The following NCOR2 variants were observed in gnomAD, a reference collection of about 807,000 sequenced individuals.
NCOR2 encodes the protein CTG repeat protein 26.
In NCOR2, 81 loss-of-function variants were observed where a neutral mutation model predicts 262.9. The observed-to-expected ratio is 0.31, with a 90% CI of 0.26 to 0.37. The LOEUF is 0.37. Ranked by LOEUF, NCOR2 falls within the 10% of genes least tolerant of loss-of-function variation. The pLI is 1.00. For synonymous variants in NCOR2, 1,659 were observed against 1,559.3 expected, an observed-to-expected ratio of 1.06 and a Z score of -1.51; for missense variants, 3,385 against 3,621.4, an observed-to-expected ratio of 0.93 and a Z score of 1.68.
intron 4 of NCOR2, 84 bp from the exon 7 acceptor site, chr12:124,466,370 C>T: frequency 7.7e-7 from 1 of 1,293,408 alleles, no homozygotes; most frequent in Non-Finnish European, 1.1e-6. Flanking sequence ...GGGAGGCCCC[C>T]TTGCAGCCCG....
intron 29 of NCOR2, 57 bp downstream of exon 31, chr12:124,348,117 A>T: frequency 6.2e-7 from 1 of 1,600,770 alleles, no homozygotes; most frequent in Non-Finnish European, 8.5e-7. Context: ...GGGGTCAGCC[A>T]TCCCCCCACC....
intron 41 of NCOR2, among the ~76,000 whole-genome samples, chr12:124,333,844 G>A (rs1206549802): frequency 7.3e-6 from 1 of 136,116 alleles, no homozygotes; most frequent in African/African-American, 2.8e-5. Context: ...GTGCGCCTGT[G>A]TGCGGGTGTG....
At position 124,450,821 on chromosome 12, in the gene NCOR2, C is replaced by G. The variant is rs2045477323; in HGVS notation, c.763-954G>C. On this transcript the variant is annotated intron_variant, in intron 6 of 46. Coordinates refer to ENST00000405201, the Ensembl canonical transcript of NCOR2. ...GTTCTGATACTTTCTAGCTGGGTCT[C>G]CCTGGGAAGTTACTTATTCCATCTG... Among the ~76,000 whole-genome samples the G allele has an allele frequency of 2.0e-5, 3 of 152,352 alleles. No homozygotes were observed. The South Asian group carries it at 6.2e-4, about 32-fold the overall frequency.
At chr12:124,433,724 G>C (rs1460157966) in intron 8 of NCOR2, among the ~76,000 whole-genome samples, 1 of 152,104 alleles carries the variant, frequency 6.6e-6, no homozygotes, top group Non-Finnish European at 1.5e-5. Context: ...AGGGCGGGCA[G>C]CTCCGGCCTG....
rs772760842 is a variant in NCOR2 at position 124,402,412 on chromosome 12, G to T, written c.1632C>A (p.Asp544Glu). The T allele has an allele frequency of 1.2e-6, 2 of 1,614,140 alleles. No individual in the cohort carries two copies. Among genetic ancestry groups the T allele is most frequent in the East Asian group, 4.5e-5 (2 of 44,876 alleles). Residue 544 changes from aspartate (D) to glutamate (E), a missense_variant, in exon 14 of 47, where the codon GAC becomes GAA. Physicochemically the swap from Asp to Glu is conservative, Grantham distance 45. Transcript: ENST00000405201. ...ACAGCAGGCTGCCTTACTTGAGGAG[G>T]TCTTCCTTGTCGTTCTCCACCTCCG...
chr12:124,544,023 A>G (rs1381623132), intron 1 of NCOR2, among the ~76,000 whole-genome samples: 1 of 152,160 alleles, frequency 6.6e-6, no homozygotes, highest in Non-Finnish European at 1.5e-5. Context: ...CCTCCCAGAG[A>G]GTTCCCAGGA....
chr12:124,367,085 A>G (rs1455226763), intron 20 of NCOR2, among the ~76,000 whole-genome samples: 1 of 152,228 alleles, frequency 6.6e-6, no homozygotes, highest in East Asian at 1.9e-4. Context: ...TAACACACAC[A>G]AAACATGAGG....
intron 1 of NCOR2, among the ~76,000 whole-genome samples, chr12:124,507,252 T>C (rs1029138994): frequency 1.3e-5 from 2 of 152,192 alleles, no homozygotes; most frequent in Non-Finnish European, 2.9e-5. Context: ...TTTTGCCACA[T>C]GAAAAGTGCT....
chr12:124,366,574 T>C (rs2039053903), intron 20 of NCOR2, among the ~76,000 whole-genome samples: 2 of 152,272 alleles, frequency 1.3e-5, no homozygotes, highest in South Asian at 2.1e-4. Flanking sequence ...TGCAGTGCTG[T>C]AATCTCACTG....
chr12:124,372,221 C>T, exon 20 of NCOR2: 5 of 1,601,658 alleles, frequency 3.1e-6, no homozygotes, highest in Non-Finnish European at 4.2e-6. Flanking sequence ...CCCTCCTCGG[C>T]TTCCTCCGTG....
chr12:124,509,244 G>GGA (rs1555234147), intron 1 of NCOR2, among the ~76,000 whole-genome samples: 1 of 151,046 alleles, frequency 6.6e-6, no homozygotes, highest in Non-Finnish European at 1.5e-5. Flanking sequence ...GTGGGGGGGG[G>GGA]GGGGGCTTAA....
At chr12:124,493,007 T>C (rs2048176016) in intron 1 of NCOR2, among the ~76,000 whole-genome samples, 1 of 152,172 alleles carries the variant, frequency 6.6e-6, no homozygotes, top group Non-Finnish European at 1.5e-5. Context: ...AGACATGTTC[T>C]CACCTGTGGC....
At chr12:124,327,323 G>A in intron 45 of NCOR2, 86 bp downstream of exon 47, 1 of 1,075,802 alleles carries the variant, frequency 9.3e-7, no homozygotes, top group Non-Finnish European at 1.3e-6. Flanking sequence ...CTCGAGGAGG[G>A]GGTTGTCAGA....
At chr12:124,425,045 C>A (rs1361074026) in intron 11 of NCOR2, among the ~76,000 whole-genome samples, 1 of 152,218 alleles carries the variant, frequency 6.6e-6, no homozygotes, top group African/African-American at 2.4e-5. Flanking sequence ...GCTTTAAATG[C>A]GGCCCAATAC....
At chr12:124,506,617 G>C (rs935887770) in intron 1 of NCOR2, among the ~76,000 whole-genome samples, 1 of 151,746 alleles carries the variant, frequency 6.6e-6, no homozygotes, top group Non-Finnish European at 1.5e-5. Flanking sequence ...CCCCACTTGC[G>C]TACTTCACAA....
rs971682168 is a variant in NCOR2 at position 124,523,899 on chromosome 12, C to T, written c.-118+11666G>A. 4.6e-5 allele frequency among the ~76,000 whole-genome samples: 7 copies of T among 152,162 alleles called. No individual in the cohort carries two copies. The highest frequency in any genetic ancestry group is 1.4e-4 in the African/African-American group (6 of 41,434). ...TCAGCAAGTGTGAAACCCGCATCTA[C>T]GACACTAACCACTAGACTATACTGT... On this transcript the variant is annotated intron_variant, in intron 1 of 46. Coordinates refer to the NCOR2 transcript ENST00000404621. The surrounding 1 kb of genome is among the most constrained non-coding windows in gnomAD (Gnocchi z 4.0).
intron 21 of NCOR2, among the ~76,000 whole-genome samples, chr12:124,363,278 C>T (rs561063345): frequency 1.1e-4 from 17 of 152,240 alleles, no homozygotes; most frequent in Non-Finnish European, 2.2e-4. Flanking sequence ...GGCCCACGCA[C>T]CCAGCTGAGA....
chr12:124,553,979 T>G (rs532744363), intron 1 of NCOR2, among the ~76,000 whole-genome samples: 67 of 152,262 alleles, frequency 4.4e-4, no homozygotes, highest in African/African-American at 1.5e-3. Context: ...GCTCAGGATG[T>G]CCTTGGCATG....
Position 124,556,723 on chromosome 12 carries a change from G to A in NCOR2, c.-165+10585C>T, listed in dbSNP as rs561316929. ...AAAAATACAAAAATTAGCCATGTGC[G>A]CCTATAATCCGTTACTCAGGTGGCT... On this transcript the variant is annotated intron_variant, in intron 1 of 32. Transcript: ENST00000458234. Among the ~76,000 whole-genome samples, 8 of 152,238 alleles carry A rather than the reference G, an allele frequency of 5.3e-5. No individual in the cohort carries two copies. In the East Asian group the frequency reaches 9.6e-4, roughly 18 times the overall value.
Sources: allele counts gnomAD v4.1 joint callset (sites outside exome capture counted in the v4.1 genomes callset), GRCh38; gene constraint gnomAD v4.1.1; non-coding constraint Gnocchi (gnomAD v3.1); transcripts MANE v1.5; gene names NCBI Gene and HGNC (gene_info 2026-07-23, HGNC 2026-07-21).